The following QSER1 variants were observed in gnomAD, a reference collection of about 807,000 sequenced individuals.
The protein encoded by QSER1 is glutamine and serine rich 1.
A neutral mutation model predicts 158.5 loss-of-function variants in QSER1; 49 were observed. That is an observed-to-expected ratio of 0.31 (90% confidence interval 0.25 to 0.39). The LOEUF is 0.39. QSER1 is among the 10% of genes least tolerant of loss of function. The probability of loss-of-function intolerance (pLI) is 1.00; values close to 1 mark genes in which losing one functional copy is unlikely to be tolerated. For missense variants in QSER1, 1,754 were observed against 2,010.3 expected (o/e 0.87, Z 2.44); for synonymous variants, 650 against 715.5 (o/e 0.91, Z 1.46).
rs1852366782 is a variant in QSER1, at chr11:32,948,207, A to G, written c.4178-5650A>G. On this transcript the variant is annotated intron_variant, in intron 4 of 12. Transcript: ENST00000650167. ...TGGAATGGACAGTGGAGCACTGTAT[A>G]CTGAAACTAATAGGATGTGGCCAGA... 2.0e-5 allele frequency among the ~76,000 whole-genome samples: 3 copies of G among 152,236 alleles called. No individual in the cohort carries two copies. The South Asian group carries it at 6.2e-4, about 32-fold the overall frequency.
In QSER1 at chr11:32,954,131, A is replaced by C; in HGVS notation, c.4452A>C (p.Arg1484Ser). 6.2e-7 allele frequency: 1 copy of C among 1,613,966 alleles called. No individual in the cohort carries two copies. The highest frequency in any genetic ancestry group is 8.5e-7 in the Non-Finnish European group (1 of 1,180,014). The change falls in exon 5 of 13, where the codon AGA becomes AGC. Residue 1484 changes from arginine to serine, a missense_variant. Physicochemically the swap from Arg to Ser is moderately radical, Grantham distance 110 (BLOSUM62 -1). Coordinates refer to ENST00000650167, the MANE Select transcript of QSER1 (RefSeq NM_001076786.3). ...AAAGCGGAGGAGAAGGCCAATACAG[A>C]GAGCGTGATGAATTTGTGGTAAAGA... ...DTESGGEGQYRERDEFVVKIE... is the reference protein window; with the variant it reads ...DTESGGEGQYSERDEFVVKIE...
rs1206199664 is a variant in QSER1 at position 32,937,051 on chromosome 11, C to A, written c.4177+1616C>A. On this transcript the variant is annotated intron_variant, in intron 4 of 12. Coordinates refer to ENST00000650167, the MANE Select transcript of QSER1 (RefSeq NM_001076786.3). ...GCAATCGCTATTATATTCCCTCTTA[C>A]ATTCCCAGAATGAACCTTTTGAAAT... Among the ~76,000 whole-genome samples, 4 of 152,180 alleles carry A rather than the reference C, an allele frequency of 2.6e-5. No homozygotes were observed. In the East Asian group the frequency reaches 7.7e-4, roughly 29 times the overall value.
chr11:32,972,020 G>A (rs1450202890), intron 10 of QSER1, among the ~76,000 whole-genome samples: 2 of 148,236 alleles, frequency 1.3e-5, no homozygotes, highest in Middle Eastern at 3.2e-3. Context: ...CCGAGATCAC[G>A]CCACTGCACT....
rs757485190 is a variant in QSER1 at position 32,933,705 on chromosome 11, A to G, written c.2447A>G (p.His816Arg). The change falls in exon 4 of 13, where the codon CAT (histidine) becomes CGT (arginine). Residue 816 changes from histidine (H) to arginine (R), a missense_variant. His to Arg is a conservative substitution (Grantham distance 29). Around this residue, in one of 2 missense-constraint regions of QSER1, gnomAD observed 1,707 missense variants for 1,919.6 expected, o/e 0.89. Transcript: ENST00000650167. ...KQQHPLILKV[H>R]ESKVQEQHDQ... The stretch of plus-strand genomic sequence containing the variant: ...CAACATCCTCTCATACTTAAGGTGC[A>G]TGAGTCCAAGGTCCAGGAACAGCAC... 6 of 1,613,938 alleles carry G rather than the reference A, an allele frequency of 3.7e-6. No individual in the cohort carries two copies. The highest frequency in any genetic ancestry group is 1.3e-5 in the African/African-American group (1 of 75,046).
rs1310252054 is a variant in QSER1 at position 32,976,601 on chromosome 11, A to G, written c.*127A>G. ...CCGCTTCCATCATGGAACTGTCATT[A>G]CCACCTCTGCTGAAGGACAGTGGTG... On this transcript the variant is annotated 3_prime_UTR_variant, in exon 13 of 13. Coordinates refer to ENST00000650167, the MANE Select transcript of QSER1 (RefSeq NM_001076786.3). 1.5e-5 allele frequency: 15 copies of G among 1,019,404 alleles called. No individual in the cohort carries two copies. The highest frequency in any genetic ancestry group is 3.3e-5 in the African/African-American group (2 of 60,072). 63.1% of individuals were successfully genotyped at this position (1,019,404 alleles called of 1,614,324 possible).
At chr11:32,925,791 G>A (rs921225667) in intron 1 of QSER1, among the ~76,000 whole-genome samples, 2 of 151,978 alleles carry the variant, frequency 1.3e-5, no homozygotes, top group African/African-American at 4.8e-5. Context: ...TCCTCCCAAA[G>A]TACTGGGATT....
At chr11:32,922,264 G>A (rs1410486292) in intron 1 of QSER1, among the ~76,000 whole-genome samples, 1 of 151,864 alleles carries the variant, frequency 6.6e-6, no homozygotes, top group East Asian at 1.9e-4. Context: ...CCCTTCTAAA[G>A]ATACTGTTGC....
At chr11:32,969,980 C>T (rs1032457476) in intron 10 of QSER1, among the ~76,000 whole-genome samples, 6 of 152,090 alleles carry the variant, frequency 3.9e-5, no homozygotes, top group South Asian at 2.1e-4. Context: ...CCACTGCACC[C>T]GGCCGAGCTT....
chr11:32,951,405 A>G (rs567564113), intron 4 of QSER1, among the ~76,000 whole-genome samples: 1 of 152,122 alleles, frequency 6.6e-6, no homozygotes, highest in African/African-American at 2.4e-5. Flanking sequence ...CATTTTGGCT[A>G]TTCTGGGTCC....
chr11:32,962,445 T>A (rs1852641817), intron 8 of QSER1, among the ~76,000 whole-genome samples: 1 of 152,206 alleles, frequency 6.6e-6, no homozygotes, highest in Non-Finnish European at 1.5e-5. Context: ...TTTGAAAATG[T>A]TTCCTCCCAT....
intron 1 of QSER1, among the ~76,000 whole-genome samples, chr11:32,911,608 T>G (rs1851767930): frequency 6.6e-6 from 1 of 152,124 alleles, no homozygotes; most frequent in Non-Finnish European, 1.5e-5. Flanking sequence ...CACCATGCTG[T>G]TCTCACGATA....
Position 32,977,167 on chromosome 11 carries a change from T to A in QSER1, c.*693T>A, listed in dbSNP as rs1852992570. 1.3e-5 allele frequency: 2 copies of A among 152,634 alleles called. No individual in the cohort carries two copies. Among genetic ancestry groups the A allele is most frequent in the South Asian group, 4.1e-4 (2 of 4,838 alleles). The allele number at this position is 152,634 out of a possible 1,614,324, so 9.5% of individuals were successfully genotyped here. ...AAAAGTATTTTCGTTTATACTGTTT[T>A]TTCCTTTGGAAAATTTTCAATTGTA... On this transcript the variant is annotated 3_prime_UTR_variant, in exon 13 of 13. Transcript: ENST00000650167.
intron 4 of QSER1, among the ~76,000 whole-genome samples, chr11:32,940,357 C>G (rs536260573): frequency 1.3e-5 from 2 of 152,200 alleles, no homozygotes; most frequent in East Asian, 1.9e-4. Context: ...TATCATGATC[C>G]CTGCTTGGTC....
At chr11:32,912,603 C>T (rs577520744) in intron 1 of QSER1, among the ~76,000 whole-genome samples, 1 of 152,080 alleles carries the variant, frequency 6.6e-6, no homozygotes, top group African/African-American at 2.4e-5. Context: ...TGATGAGCAT[C>T]GCCTGGTTAC....
At chr11:32,969,733 A>G (rs12295245) in intron 10 of QSER1, among the ~76,000 whole-genome samples, 5,564 of 141,176 alleles carry the variant, frequency 0.039, 364 homozygotes, top group African/African-American at 0.14. Flanking sequence ...CATCCAGGCT[A>G]CATTGCAGTG....
intron 9 of QSER1, among the ~76,000 whole-genome samples, chr11:32,967,438 A>G (rs1357231951): frequency 6.6e-6 from 1 of 152,174 alleles, no homozygotes; most frequent in Non-Finnish European, 1.5e-5. Context: ...CAGCTCATCC[A>G]TGTAACCCAA....
At chr11:32,968,398 A>G (rs772817599) in intron 9 of QSER1, among the ~76,000 whole-genome samples, 6 of 152,224 alleles carry the variant, frequency 3.9e-5, no homozygotes, top group Admixed American at 2.0e-4. Flanking sequence ...AAAACTAATT[A>G]TATTCTAAAA....
rs117501398 is a variant in QSER1, at chr11:32,938,414, T to C, written c.4177+2979T>C. ...TGAGTTAAAGTAGCCAGGTTTTGAT[T>C]TTAATTTTGTGAGTAGAATTCTGAC... On this transcript the variant is annotated intron_variant, in intron 4 of 12. Transcript: ENST00000650167. Among the ~76,000 whole-genome samples the C allele has an allele frequency of 3.5e-3, 532 of 152,264 alleles. 2 individuals carry two copies. The highest frequency in any genetic ancestry group is 0.018 in the South Asian group (85 of 4,814).
chr11:32,973,503 A>G lies in QSER1; in HGVS notation c.5312A>G (p.Asn1771Ser), dbSNP rs1264008700. 2 of 1,613,438 alleles carry G rather than the reference A, an allele frequency of 1.2e-6. No homozygotes were observed. Among genetic ancestry groups the G allele is most frequent in the Non-Finnish European group, 1.7e-6 (2 of 1,179,700 alleles). Residue 1771 changes from asparagine to serine, a missense_variant, in exon 11 of 13, where the codon AAT becomes AGT. Transcript: ENST00000650167. ...SKIKMNGKAY[N>S]KKTLRTSKTT... ...ATCAAAATGAATGGCAAAGCCTATA[A>G]TAAGAAAACTCTAAGGACTTCTAAA...
Sources: gnomAD v4.1 joint callset for allele counts (sites outside exome capture counted in the v4.1 genomes callset) on GRCh38, gnomAD v4.1.1 for gene constraint, gnomAD v4.1.1 regional missense constraint, MANE v1.5 for transcripts, NCBI Gene and HGNC (gene_info 2026-07-23, HGNC 2026-07-21) for gene names.